CACNA2D3: variants seen among roughly 807,000 people sequenced by gnomAD.
CACNA2D3 encodes calcium voltage-gated channel auxiliary subunit alpha2delta 3, also known as voltage-dependent calcium channel subunit alpha-2/delta-3.
A neutral mutation model predicts 160.6 loss-of-function variants in CACNA2D3; 60 were observed. That is an observed-to-expected ratio of 0.37 (90% CI 0.30 to 0.46). The LOEUF is 0.46. Among genes scored for constraint, CACNA2D3 ranks in the 20% least tolerant of loss-of-function variants. CACNA2D3 has a pLI of 1.00. For synonymous variants in CACNA2D3, 558 were observed against 492.9 expected, an observed-to-expected ratio of 1.13 and a Z score of -1.75; for missense variants, 1,205 against 1,365.0, an observed-to-expected ratio of 0.88 and a Z score of 1.85.
In CACNA2D3 at chr3:54,579,778, T is replaced by C. The variant is rs540493666; in HGVS notation, c.889-2025T>C. ...TTTCCTTCATATTGAACTCTGCAGT[T>C]GCTTCTTGGATCCTGAGCTGATGTT... On this transcript the variant is annotated intron_variant, in intron 8 of 37. Coordinates refer to ENST00000474759, the MANE Select transcript of CACNA2D3 (RefSeq NM_018398.3). 2.3e-4 allele frequency among the ~76,000 whole-genome samples: 35 copies of C among 152,318 alleles called. 1 individual carries two copies. Among genetic ancestry groups the C allele is most frequent in the Admixed American group, 6.5e-4 (10 of 15,306 alleles).
chr3:54,976,629 T>C (rs1702397321), intron 29 of CACNA2D3, among the ~76,000 whole-genome samples: 2 of 152,226 alleles, frequency 1.3e-5, no homozygotes, highest in African/African-American at 4.8e-5. Flanking sequence ...TACATTCTTA[T>C]TGTTACTATT....
At chr3:54,522,624 T>C (rs768421829) in intron 5 of CACNA2D3, among the ~76,000 whole-genome samples, 31 of 152,318 alleles carry the variant, frequency 2.0e-4, no homozygotes, top group Non-Finnish European at 3.5e-4. Context: ...CAAGATCATG[T>C]CATTGGCATG....
chr3:54,149,057 G>A (rs1279542465), intron 2 of CACNA2D3, among the ~76,000 whole-genome samples: 1 of 151,812 alleles, frequency 6.6e-6, no homozygotes, highest in Non-Finnish European at 1.5e-5. Context: ...CCTGAGGGGA[G>A]CGAGACAGTC....
intron 2 of CACNA2D3, among the ~76,000 whole-genome samples, chr3:54,317,376 A>G (rs1703886782): frequency 6.6e-6 from 1 of 152,154 alleles, no homozygotes; most frequent in Non-Finnish European, 1.5e-5. Context: ...TAGATTGGGT[A>G]ATTTACAAGA....
chr3:54,465,537 A>G (rs901819989), intron 4 of CACNA2D3, among the ~76,000 whole-genome samples: 9 of 152,184 alleles, frequency 5.9e-5, no homozygotes, highest in African/African-American at 1.7e-4. Flanking sequence ...CTTGGAACGT[A>G]TCTCTGTGGA....
intron 14 of CACNA2D3, among the ~76,000 whole-genome samples, chr3:54,831,350 C>A (rs1424032280): frequency 6.6e-6 from 1 of 152,194 alleles, no homozygotes; most frequent in Non-Finnish European, 1.5e-5. Context: ...GGCATTCACC[C>A]CCAGGGGCTT....
rs367985059 is a variant in CACNA2D3, at chr3:54,888,105, G to A, written c.2150+53G>A. 4,564 of 1,300,938 alleles carry A rather than the reference G, an allele frequency of 3.5e-3. 11 individuals are homozygous for A. The highest frequency in any genetic ancestry group is 4.6e-3 in the Non-Finnish European group (4,150 of 895,180). 80.6% of individuals were successfully genotyped at this position (1,300,938 alleles called of 1,614,324 possible). On this transcript the variant is annotated intron_variant, in intron 24 of 37. Coordinates refer to ENST00000474759, the MANE Select transcript of CACNA2D3 (RefSeq NM_018398.3). ...ATGGCCATTTCCTCACCAACACTCC[G>A]AAATATGGTTATGGTTTAAAGAACT...
chr3:54,318,526 G>C (rs1703918730), intron 2 of CACNA2D3, among the ~76,000 whole-genome samples: 1 of 151,918 alleles, frequency 6.6e-6, no homozygotes, highest in Non-Finnish European at 1.5e-5. Context: ...AATTTTTCCA[G>C]GGTCAACTTA....
intron 13 of CACNA2D3, among the ~76,000 whole-genome samples, chr3:54,803,431 G>C (rs1289115977): frequency 1.3e-5 from 2 of 152,186 alleles, no homozygotes; most frequent in Admixed American, 1.3e-4. Context: ...CTCAGGAGCC[G>C]ATGTGATCAA....
At chr3:54,247,641 G>A (rs899475339) in intron 2 of CACNA2D3, among the ~76,000 whole-genome samples, 17 of 152,078 alleles carry the variant, frequency 1.1e-4, no homozygotes, top group African/African-American at 3.1e-4. Flanking sequence ...AAAGGGACAC[G>A]CTATTGAAGA....
At chr3:54,193,834 A>T (rs779451773) in intron 2 of CACNA2D3, among the ~76,000 whole-genome samples, 5 of 152,182 alleles carry the variant, frequency 3.3e-5, no homozygotes, top group Admixed American at 6.5e-5. Context: ...CTTATGGACC[A>T]TGTGGCAGTG....
rs147356877 is a variant in CACNA2D3 at position 54,663,813 on chromosome 3, G to C, written c.1167+21572G>C. Among the ~76,000 whole-genome samples the C allele has an allele frequency of 2.4e-3, 363 of 152,298 alleles. 2 individuals are homozygous for C. The highest frequency in any genetic ancestry group is 8.4e-3 in the African/African-American group (351 of 41,566). ...GACTGGGGCTTGGATGTGTGAGAGA[G>C]GGGGTCATCTGCATGCAGTGTGGAA... On this transcript the variant is annotated intron_variant, in intron 11 of 37. Transcript: ENST00000474759.
chr3:54,129,561 A>G (rs1313496326), intron 2 of CACNA2D3, among the ~76,000 whole-genome samples: 2 of 152,246 alleles, frequency 1.3e-5, no homozygotes, highest in Non-Finnish European at 2.9e-5. Context: ...AAAGGAAAGC[A>G]TTATCTTTTC....
intron 2 of CACNA2D3, among the ~76,000 whole-genome samples, chr3:54,218,251 C>T (rs1318467287): frequency 6.6e-6 from 1 of 152,184 alleles, no homozygotes; most frequent in Non-Finnish European, 1.5e-5. Flanking sequence ...GGACTGGCCA[C>T]CTCTTGTGGA....
intron 2 of CACNA2D3, among the ~76,000 whole-genome samples, chr3:54,212,619 G>C (rs1040137584): frequency 2.0e-4 from 31 of 152,290 alleles, no homozygotes; most frequent in Admixed American, 5.2e-4. Context: ...CAAAAGGGAG[G>C]AGGGTATAAT....
chr3:55,050,739 A>G (rs1704182474), intron 35 of CACNA2D3, among the ~76,000 whole-genome samples: 1 of 131,792 alleles, frequency 7.6e-6, no homozygotes, highest in East Asian at 2.0e-4. Context: ...TTTCAGGTAC[A>G]CCAATCAGAC....
intron 27 of CACNA2D3, among the ~76,000 whole-genome samples, chr3:54,966,589 C>G (rs752606287): frequency 3.9e-5 from 6 of 152,134 alleles, no homozygotes; most frequent in Non-Finnish European, 8.8e-5. Context: ...GAGGTTGAGG[C>G]AGGCAGGTCA....
chr3:54,726,523 T>A (rs1701280052), intron 11 of CACNA2D3, among the ~76,000 whole-genome samples: 1 of 152,266 alleles, frequency 6.6e-6, no homozygotes, highest in Middle Eastern at 3.4e-3. Context: ...ACTACAAGAC[T>A]ACAGTAACCA....
chr3:54,594,057 T>C (rs1702909512), intron 9 of CACNA2D3, among the ~76,000 whole-genome samples: 1 of 152,228 alleles, frequency 6.6e-6, no homozygotes, highest in Non-Finnish European at 1.5e-5. Flanking sequence ...AGCCAGTATA[T>C]GCCAATAAAT....
Sources: allele counts gnomAD v4.1 joint callset (sites outside exome capture counted in the v4.1 genomes callset), GRCh38; gene constraint gnomAD v4.1.1; transcripts MANE v1.5; gene names NCBI Gene and HGNC (gene_info 2026-07-23, HGNC 2026-07-21).